The following EPG5 variants were observed in gnomAD, a reference collection of about 807,000 sequenced individuals.
EPG5 encodes the protein ectopic P-granules 5 autophagy tethering factor.
EPG5 carries 159 observed loss-of-function variants against 302.7 expected under a neutral mutation model. The ratio of observed to expected loss-of-function variants is 0.53; its 90% CI spans 0.46 to 0.60. The LOEUF is 0.60. Among genes scored for constraint, EPG5 ranks in the 20% least tolerant of loss-of-function variants. The pLI is 0.00. For synonymous variants in EPG5, 1,158 were observed against 1,136.8 expected, an observed-to-expected ratio of 1.02 and a Z score of -0.37; for missense variants, 2,896 against 3,092.4, an observed-to-expected ratio of 0.94 and a Z score of 1.51.
chr18:45,891,025 G>A (rs1410870482), intron 27 of EPG5, among the ~76,000 whole-genome samples: 1 of 152,148 alleles, frequency 6.6e-6, no homozygotes, highest in South Asian at 2.1e-4. Context: ...AAACACATGG[G>A]TGAGCAGTAA....
the EPG5 span, among the ~76,000 whole-genome samples, chr18:45,841,523 G>A: frequency 2.6e-5 from 4 of 152,282 alleles, no homozygotes; most frequent in Non-Finnish European, 4.4e-5. Flanking sequence ...GTTGCAGGCC[G>A]TTGGCAAGGC....
intron 23 of EPG5, 105 bp downstream of exon 23, chr18:45,910,416 C>A: frequency 1.2e-6 from 1 of 806,956 alleles, no homozygotes; most frequent in South Asian, 1.8e-5. Flanking sequence ...TTCAATCTAA[C>A]CGTGTTAAGA....
At chr18:45,908,129 C>A (rs1009660808) in intron 23 of EPG5, 48 bp from the exon 24 acceptor site, 3 of 1,408,868 alleles carry the variant, frequency 2.1e-6, no homozygotes, top group Admixed American at 2.4e-5. Context: ...GATGAGCATA[C>A]AAACAAAGCT....
At chr18:45,829,972 G>C in the EPG5 span, among the ~76,000 whole-genome samples, 3 of 152,118 alleles carry the variant, frequency 2.0e-5, no homozygotes, top group Non-Finnish European at 2.9e-5. Context: ...CGACTACCAC[G>C]GGACTCACTT....
chr18:45,850,435 T>A lies in EPG5; in HGVS notation c.*2032A>T, dbSNP rs2145132887. The A allele has an allele frequency of 6.6e-6, 1 of 152,292 alleles. No homozygotes were observed. The highest frequency in any genetic ancestry group is 2.4e-5 in the African/African-American group (1 of 41,542). 9.4% of individuals were successfully genotyped at this position (152,292 alleles called of 1,614,324 possible). A position where few individuals can be genotyped will look rare whatever the true frequency, so the allele number is the denominator to read the frequency against. On this transcript the variant is annotated 3_prime_UTR_variant, in exon 44 of 44. Coordinates refer to ENST00000282041, the MANE Select transcript of EPG5 (RefSeq NM_020964.3). ...TATAGCACGTTCCTAGCCCAGAGTT[T>A]CCCATAGACACCTAGGAGTTGAGTC...
the EPG5 span, chr18:45,837,648 C>T: frequency 6.6e-7 from 1 of 1,505,354 alleles, no homozygotes; most frequent in African/African-American, 1.4e-5. Flanking sequence ...ATCTGGCGCG[C>T]GGGCGAGCCC....
the EPG5 span, among the ~76,000 whole-genome samples, chr18:45,806,218 A>C: frequency 1.3e-5 from 2 of 152,234 alleles, no homozygotes; most frequent in African/African-American, 4.8e-5. Context: ...GGGGTAGTGA[A>C]AAGCAGATAC....
chr18:45,838,505 CT>C, the EPG5 span: 16 of 677,902 alleles, frequency 2.4e-5, no homozygotes, highest in Non-Finnish European at 3.7e-5. Flanking sequence ...CTTAAGGCAA[CT>C]GCTATCATGA....
intron 1 of EPG5, among the ~76,000 whole-genome samples, chr18:45,960,039 C>T (rs1375954018): frequency 6.6e-6 from 1 of 152,090 alleles, no homozygotes; most frequent in African/African-American, 2.4e-5. Context: ...AATCCCAGCA[C>T]TTTGGGAGGC....
the EPG5 span, among the ~76,000 whole-genome samples, chr18:45,833,994 C>G: frequency 6.6e-6 from 1 of 152,168 alleles, no homozygotes; most frequent in Non-Finnish European, 1.5e-5. Flanking sequence ...CTCCGCAGAG[C>G]ACTGTGTGCT....
chr18:45,852,523 C>A lies in EPG5; in HGVS notation c.7684G>T (p.Ala2562Ser), dbSNP rs757431427. ...GGATACAGACAGTTAACGAGAAGAG[C>A]CAAGAAGCTTTTCCCATCTTGAAGG... is the stretch of plus-strand genomic sequence containing the variant. The part of the protein sequence containing the change: ...HCLQDGKSFL[A>S]LLVNCLYPEV... The change falls in exon 44 of 44, where the codon GCT becomes TCT. Residue 2562 changes from alanine to serine, a missense_variant. Around this residue, in one of 5 missense-constraint regions of EPG5, gnomAD observed 620 missense variants for 704.2 expected, o/e 0.88. Transcript: ENST00000282041. 6.2e-7 allele frequency: 1 copy of A among 1,614,148 alleles called. No homozygotes were observed. The highest frequency in any genetic ancestry group is 1.1e-5 in the South Asian group (1 of 91,074).
rs1298439001 is a variant in EPG5, at chr18:45,954,525, A to T, written c.877T>A (p.Leu293Met). 1.2e-6 allele frequency: 2 copies of T among 1,614,270 alleles called. No individual in the cohort carries two copies. The highest frequency in any genetic ancestry group is 3.3e-5 in the Admixed American group (2 of 60,034). Residue 293 changes from leucine (L) to methionine (M), a missense_variant, in exon 2 of 44, where the codon TTG (leucine) becomes ATG (methionine). Transcript: ENST00000282041. ...AHQDRHEFYE[L>M]LLNYSRCRKQ... ...CTACATCGTGAGTAGTTCAAAAGCAACTCATAAAATTCATGCCTGTCTTGA... is the reference window on the plus strand; with the variant it reads ...CTACATCGTGAGTAGTTCAAAAGCATCTCATAAAATTCATGCCTGTCTTGA...
At chr18:45,829,314 G>A in the EPG5 span, 5 of 234,392 alleles carry the variant, frequency 2.1e-5, no homozygotes, top group African/African-American at 4.7e-5. Flanking sequence ...ACCCCTTCCC[G>A]GGAACCTTCA....
chr18:45,897,991 T>C (rs981261652), intron 27 of EPG5, among the ~76,000 whole-genome samples: 24 of 152,358 alleles, frequency 1.6e-4, no homozygotes, highest in African/African-American at 5.3e-4. Context: ...TAGGCAGTGC[T>C]AATCTCCAAG....
At chr18:45,919,595 C>T (rs1484128231) in intron 16 of EPG5, among the ~76,000 whole-genome samples, 2 of 151,448 alleles carry the variant, frequency 1.3e-5, no homozygotes, top group African/African-American at 2.4e-5. Flanking sequence ...TCACTGCAAG[C>T]TCCGCCTCCC....
At chr18:45,961,953 C>T (rs542725289) in intron 1 of EPG5, among the ~76,000 whole-genome samples, 13 of 150,902 alleles carry the variant, frequency 8.6e-5, no homozygotes, top group African/African-American at 3.2e-4. Context: ...TTTTCCATAG[C>T]GCTTATAAAG....
At chr18:45,821,944 G>A in the EPG5 span, among the ~76,000 whole-genome samples, 1 of 151,962 alleles carries the variant, frequency 6.6e-6, no homozygotes. Context: ...TATTACCAAA[G>A]GGACAAAAAA....
chr18:45,957,672 T>C (rs2051061371), intron 1 of EPG5, among the ~76,000 whole-genome samples: 2 of 152,210 alleles, frequency 1.3e-5, no homozygotes, highest in African/African-American at 4.8e-5. Context: ...TCAAACATCA[T>C]CCTTAAAAAT....
chr18:45,926,264 T>G (rs913021548), intron 13 of EPG5, among the ~76,000 whole-genome samples: 2 of 152,186 alleles, frequency 1.3e-5, no homozygotes, highest in Admixed American at 1.3e-4. Flanking sequence ...TAATTATTCA[T>G]TCTATGGCAT....
Sources: gnomAD v4.1 joint callset for allele counts (sites outside exome capture counted in the v4.1 genomes callset) on GRCh38, gnomAD v4.1.1 for gene constraint, gnomAD v4.1.1 regional missense constraint, MANE v1.5 for transcripts, NCBI Gene and HGNC (gene_info 2026-07-23, HGNC 2026-07-21) for gene names.